SPRTN: variants seen among roughly 807,000 people sequenced by gnomAD.
SPRTN encodes DNA-dependent metalloprotease SPRTN.
Under a neutral mutation model 31.9 loss-of-function variants are expected in SPRTN, and 11 were observed. The observed-to-expected ratio is 0.34, with a 90% CI of 0.22 to 0.57. The LOEUF is 0.57. Among genes scored for constraint, SPRTN ranks in the 20% least tolerant of loss-of-function variants. SPRTN has a pLI of 0.86. For missense variants in SPRTN, 482 were observed against 590.1 expected (o/e 0.82, Z 1.90); for synonymous variants, 185 against 212.1 (o/e 0.87, Z 1.11).
Position 231,339,769 on chromosome 1 carries a change from G to A in SPRTN, c.222G>A (p.Leu74=). The A allele has an allele frequency of 6.2e-7, 1 of 1,614,128 alleles. No homozygotes were observed. ...CATTTTTATGGTGATTGTTTTCTAG[G>A]TGTGCTGGGATATGCAGCTATGAAG... ...VEVKWSVRMT[L]CAGICSYEGK... is the part of the protein sequence containing the mutation. The change falls in exon 2 of 5, where the codon CTG becomes CTA. Residue 74 remains leucine (L), a splice_region_variant and synonymous_variant. Transcript: ENST00000295050.
Position 231,353,543 on chromosome 1 carries a change from CAG to C in SPRTN, c.*183_*184del, listed in dbSNP as rs994230295. The C allele has an allele frequency of 4.5e-6, 6 of 1,325,740 alleles. No homozygotes were observed. Among genetic ancestry groups the C allele is most frequent in the East Asian group, 2.9e-5 (1 of 34,458 alleles). 82.1% of individuals were successfully genotyped at this position (1,325,740 alleles called of 1,614,324 possible). ...TGTAATTTTAAGATGTTTTGTGTCT[CAG>C]GGTGCTACATTCACTCTTGCCTTAG... On this transcript the variant is annotated 3_prime_UTR_variant, in exon 5 of 5. Coordinates refer to ENST00000295050, the MANE Select transcript of SPRTN (RefSeq NM_032018.7).
At chr1:231,349,334 C>T (rs915893055) in intron 3 of SPRTN, among the ~76,000 whole-genome samples, 1 of 152,074 alleles carries the variant, frequency 6.6e-6, no homozygotes, top group Non-Finnish European at 1.5e-5. Flanking sequence ...GACTTCATTT[C>T]ATTATTAGAC....
chr1:231,354,429 A>T lies in SPRTN; in HGVS notation c.*1068A>T. The T allele has an allele frequency of 4.1e-6, 4 of 971,996 alleles. No homozygotes were observed. The highest frequency in any genetic ancestry group is 4.9e-6 in the Non-Finnish European group (4 of 817,722). 60.2% of individuals were successfully genotyped at this position (971,996 alleles called of 1,614,324 possible). ...CACTTTGTTGTAATACAGGTGCACA[A>T]ATCTTAAGTGCACAGCTGGGTAAAC... On this transcript the variant is annotated 3_prime_UTR_variant, in exon 5 of 5. Transcript: ENST00000295050.
chr1:231,339,583 T>C (rs1198968869), intron 1 of SPRTN, 186 bp from the exon 2 acceptor site: 1 of 758,458 alleles, frequency 1.3e-6, no homozygotes, highest in Non-Finnish European at 2.3e-6. Flanking sequence ...ATCGGAGCCA[T>C]CGCGGGAGGC....
Position 231,338,382 on chromosome 1 carries a change from C to T in SPRTN, c.-2C>T, listed in dbSNP as rs904979696. 2 of 1,613,720 alleles carry T rather than the reference C, an allele frequency of 1.2e-6. No homozygotes were observed. Among genetic ancestry groups the T allele is most frequent in the East Asian group, 2.2e-5 (1 of 44,876 alleles). On this transcript the variant is annotated 5_prime_UTR_variant, in exon 1 of 5. In the 5' UTR this introduces an upstream ATG that the reference lacks. Transcript: ENST00000295050. ...CGGACCCCGCCTGTGATCCTGGCAA[C>T]GATGGATGATGACTTGATGTTGGCA... is the stretch of plus-strand genomic sequence containing the variant.
At chr1:231,349,186 C>T (rs1687149622) in intron 3 of SPRTN, among the ~76,000 whole-genome samples, 1 of 152,010 alleles carries the variant, frequency 6.6e-6, no homozygotes, top group African/African-American at 2.4e-5. Context: ...CCATGTTGCC[C>T]AGGCTGGTCT....
At chr1:231,339,976 G>T in intron 2 of SPRTN, 108 bp downstream of exon 2, 1 of 970,504 alleles carries the variant, frequency 1.0e-6, no homozygotes, top group South Asian at 1.4e-5. Flanking sequence ...AAGTCACTTT[G>T]CCCTCAGTGA....
rs142260976 is a variant in SPRTN, at chr1:231,351,412, A to G, written c.559A>G (p.Thr187Ala). 7.4e-6 allele frequency: 12 copies of G among 1,614,174 alleles called. No individual in the cohort carries two copies. In the East Asian group the frequency reaches 2.7e-4, roughly 36 times the overall value. ...PPYYGYVKRA[T>A]NREPSAHDYW... ...GTATTACGGCTATGTCAAACGAGCT[A>G]CTAACAGGGAACCCTCTGCTCATGA... The change falls in exon 4 of 5, where the codon ACT becomes GCT. Residue 187 changes from threonine to alanine, a missense_variant. Physicochemically the swap from Thr to Ala is moderately conservative, Grantham distance 58. This residue lies in a region of SPRTN where 325 missense variants were observed against 350.2 expected (regional missense o/e 0.93). Transcript: ENST00000295050.
chr1:231,353,607 G>A lies in SPRTN; in HGVS notation c.*246G>A, dbSNP rs2749717. The stretch of plus-strand genomic sequence containing the variant: ...CCCAGGTTCTGCCTGTCGTGTATAA[G>A]TTTTAGATACTTTTGTTCTTTCTTG... On this transcript the variant is annotated 3_prime_UTR_variant, in exon 5 of 5. Coordinates refer to ENST00000295050, the MANE Select transcript of SPRTN (RefSeq NM_032018.7). 1 of 1,152,930 alleles carries A rather than the reference G, an allele frequency of 8.7e-7. No homozygotes were observed. The highest frequency in any genetic ancestry group is 1.6e-5 in the African/African-American group (1 of 62,510). The allele number at this position is 1,152,930 out of a possible 1,614,324, so 71.4% of individuals were successfully genotyped here.
intron 2 of SPRTN, among the ~76,000 whole-genome samples, chr1:231,346,243 C>T (rs1314494708): frequency 1.5e-5 from 2 of 130,744 alleles, no homozygotes; most frequent in South Asian, 4.8e-4. Context: ...GGCTGGAGTG[C>T]AGTGGTGCAT....
chr1:231,346,696 A>G (rs1055242534), intron 2 of SPRTN, among the ~76,000 whole-genome samples: 22 of 152,170 alleles, frequency 1.4e-4, no homozygotes, highest in African/African-American at 5.3e-4. Flanking sequence ...TAATCCCAGC[A>G]CTTTGGGAGG....
rs769305407 is a variant in SPRTN, at chr1:231,353,254, A to C, written c.1363A>C (p.Asn455His). 6.2e-7 allele frequency: 1 copy of C among 1,614,120 alleles called. No homozygotes were observed. Among genetic ancestry groups the C allele is most frequent in the South Asian group, 1.1e-5 (1 of 91,078 alleles). ...TTCATCCAGTCAGAGCAAAATGGTT[A>C]ATTGCCCAGTTTGTCAGAATGAAGT... ...SSSSSQSKMV[N>H]CPVCQNEVLE... The change falls in exon 5 of 5, where the codon AAT becomes CAT. Residue 455 changes from asparagine (N) to histidine (H), a missense_variant. Asn to His is a moderately conservative substitution (Grantham distance 68). This residue lies in a region of SPRTN where 325 missense variants were observed against 350.2 expected (regional missense o/e 0.93). Coordinates refer to ENST00000295050, the MANE Select transcript of SPRTN (RefSeq NM_032018.7).
At chr1:231,350,825 CGTCA>C (rs3830910) in intron 3 of SPRTN, among the ~76,000 whole-genome samples, 85,747 of 151,392 alleles carry the variant, frequency 0.57, 24,988 homozygotes, top group Non-Finnish European at 0.64. Context: ...GTGTTGTTAG[CGTCA>C]GTCAGGCATT....
chr1:231,351,645 A>C, intron 4 of SPRTN, 74 bp downstream of exon 4: 1 of 1,553,540 alleles, frequency 6.4e-7, no homozygotes, highest in South Asian at 1.3e-5. Flanking sequence ...TCCTTCAGAG[A>C]ACTGGTATTA....
In SPRTN at chr1:231,351,440, A is replaced by T; in HGVS notation, c.587A>T (p.Tyr196Phe). 6.2e-7 allele frequency: 1 copy of T among 1,614,160 alleles called. No individual in the cohort carries two copies. Among genetic ancestry groups the T allele is most frequent in the Non-Finnish European group, 8.5e-7 (1 of 1,180,022 alleles). ...AACAGGGAACCCTCTGCTCATGACT[A>T]TTGGTGGGCTGAGCACCAGAAAACC... is the stretch of plus-strand genomic sequence containing the variant. ...ATNREPSAHD[Y>F]WWAEHQKTCG... Residue 196 changes from tyrosine to phenylalanine, a missense_variant, in exon 4 of 5, where the codon TAT becomes TTT. Tyr to Phe is a conservative substitution (Grantham distance 22). Coordinates refer to ENST00000295050, the MANE Select transcript of SPRTN (RefSeq NM_032018.7).
At chr1:231,351,229 A>AT in intron 3 of SPRTN, 75 bp from the exon 4 acceptor site, 1 of 1,212,142 alleles carries the variant, frequency 8.2e-7, no homozygotes, top group Non-Finnish European at 1.0e-6. Context: ...AAAAAAAAAA[A>AT]GACTGCTTAT....
intron 2 of SPRTN, among the ~76,000 whole-genome samples, chr1:231,346,078 G>A (rs1687049879): frequency 6.6e-6 from 1 of 151,816 alleles, no homozygotes; most frequent in East Asian, 1.9e-4. Context: ...GCCTCCCAAA[G>A]TGCTGGGATT....
intron 1 of SPRTN, chr1:231,339,536 G>T: frequency 1.4e-6 from 1 of 723,226 alleles, no homozygotes; most frequent in South Asian, 1.5e-5. Context: ...AAGCAGGGTG[G>T]TGAGAGCACG....
chr1:231,349,281 C>G (rs1440417333), intron 3 of SPRTN, among the ~76,000 whole-genome samples: 2 of 152,056 alleles, frequency 1.3e-5, no homozygotes, highest in Non-Finnish European at 2.9e-5. Flanking sequence ...CCTGGCCTCT[C>G]CATGTATTAC....
Sources: allele counts gnomAD v4.1 joint callset (sites outside exome capture counted in the v4.1 genomes callset), GRCh38; gene constraint gnomAD v4.1.1; regional missense constraint gnomAD v4.1.1; transcripts MANE v1.5; gene names NCBI Gene and HGNC (gene_info 2026-07-23, HGNC 2026-07-21).